PRKCB: variants seen among roughly 807,000 people sequenced by gnomAD.
PRKCB encodes protein kinase C beta type.
Under a neutral mutation model 81.5 loss-of-function variants are expected in PRKCB, and 13 were observed. The ratio of observed to expected loss-of-function variants is 0.16; its 90% CI spans 0.10 to 0.25. The LOEUF (loss-of-function observed/expected upper bound fraction) is 0.25. Ranked by LOEUF, PRKCB falls within the 10% of genes least tolerant of loss-of-function variation. The pLI is 1.00. For missense variants in PRKCB, 509 were observed against 875.7 expected (o/e 0.58, Z 5.29); for synonymous variants, 335 against 321.4 (o/e 1.04, Z -0.45).
In PRKCB at chr16:24,078,228, C is replaced by T. The variant is rs868368906; in HGVS notation, c.530-14563C>T. ...CAGCACCCAGAGCCATGTCTGCAGC[C>T]GCTGCAGCGTGGGAGAGGGGGCTGT... On this transcript the variant is annotated intron_variant, in intron 5 of 16. Coordinates refer to ENST00000643927, the MANE Select transcript of PRKCB (RefSeq NM_002738.7). 9.9e-5 allele frequency among the ~76,000 whole-genome samples: 15 copies of T among 152,196 alleles called. No homozygotes were observed. In the South Asian group the frequency reaches 2.1e-3, roughly 21 times the overall value.
intron 2 of PRKCB, among the ~76,000 whole-genome samples, chr16:23,937,468 C>A (rs1402278991): frequency 6.6e-6 from 1 of 152,200 alleles, no homozygotes; most frequent in East Asian, 1.9e-4. Context: ...TGGCTATCAA[C>A]CTCTGATGCA....
chr16:23,872,909 G>A (rs74926196), intron 2 of PRKCB, among the ~76,000 whole-genome samples: 12,771 of 151,862 alleles, frequency 0.084, 622 homozygotes, highest in Middle Eastern at 0.18. Flanking sequence ...CCGGCGTGGT[G>A]TCTCATGCCT....
intron 2 of PRKCB, among the ~76,000 whole-genome samples, chr16:23,882,672 C>A (rs1211184921): frequency 1.3e-5 from 2 of 151,926 alleles, no homozygotes; most frequent in East Asian, 1.9e-4. Context: ...ATATATTAAT[C>A]GGTCAATGGA....
rs1967127040 is a variant in PRKCB at position 24,154,582 on chromosome 16, C to A, written c.1066-102C>A. 3 of 1,092,788 alleles carry A rather than the reference C, an allele frequency of 2.7e-6. No homozygotes were observed. In the African/African-American group the frequency reaches 4.7e-5, roughly 17 times the overall value. 67.7% of individuals were successfully genotyped at this position (1,092,788 alleles called of 1,614,324 possible). ...CTGTTGTTTCAGAGTCAACAGAAGG[C>A]ACCTATACAAAGCTAAGTGTGGCTA... On this transcript the variant is annotated intron_variant, in intron 9 of 16. Transcript: ENST00000643927.
chr16:24,032,343 C>A, intron 4 of PRKCB, 96 bp downstream of exon 4: 2 of 762,666 alleles, frequency 2.6e-6, no homozygotes, highest in Admixed American at 2.4e-5. Context: ...GCCATACATT[C>A]CCCCCTGTCC....
chr16:24,124,135 A>G (rs1322249173), intron 9 of PRKCB, among the ~76,000 whole-genome samples, 154 bp downstream of exon 9: 2 of 152,326 alleles, frequency 1.3e-5, no homozygotes, highest in Admixed American at 1.3e-4. Flanking sequence ...CATGAAGGAA[A>G]TGAATGGAGT....
At chr16:24,084,802 A>C (rs913858759) in intron 5 of PRKCB, among the ~76,000 whole-genome samples, 1 of 152,184 alleles carries the variant, frequency 6.6e-6, no homozygotes, top group Non-Finnish European at 1.5e-5. Flanking sequence ...GAAATCTTGA[A>C]ATTGCTTCTG....
intron 1 of PRKCB, 172 bp from the exon 2 acceptor site, chr16:23,837,203 C>A: frequency 1.3e-6 from 1 of 781,240 alleles, no homozygotes; most frequent in Non-Finnish European, 2.2e-6. Context: ...GGGGTTACAG[C>A]CGAGCTCCCA....
At chr16:23,958,770 C>T (rs1370397490) in intron 2 of PRKCB, among the ~76,000 whole-genome samples, 1 of 150,088 alleles carries the variant, frequency 6.7e-6, no homozygotes, top group Middle Eastern at 3.2e-3. Context: ...TCTTATTCCT[C>T]CTCCTTCTCC....
chr16:23,845,370 T>TA (rs879292859), intron 2 of PRKCB, among the ~76,000 whole-genome samples: 50 of 144,592 alleles, frequency 3.5e-4, no homozygotes, highest in South Asian at 1.1e-3. Context: ...GTCTGGGAAT[T>TA]AAAAAAAAAA....
At chr16:23,973,215 T>A (rs1238033348) in intron 2 of PRKCB, among the ~76,000 whole-genome samples, 4 of 152,144 alleles carry the variant, frequency 2.6e-5, no homozygotes, top group Non-Finnish European at 5.9e-5. Context: ...AGAATCTCAC[T>A]CTGTTGCCCA....
intron 2 of PRKCB, among the ~76,000 whole-genome samples, chr16:23,855,305 C>T (rs1962546166): frequency 6.6e-6 from 1 of 152,110 alleles, no homozygotes; most frequent in Admixed American, 6.5e-5. Context: ...AGTTCCTCCC[C>T]AATCACATGT....
intron 7 of PRKCB, among the ~76,000 whole-genome samples, chr16:24,096,572 G>A (rs1303540085): frequency 6.7e-6 from 1 of 149,828 alleles, no homozygotes; most frequent in Non-Finnish European, 1.5e-5. Context: ...ACAGATCATA[G>A]ATGTACTGGG....
chr16:24,102,975 C>T (rs535978376), intron 7 of PRKCB, among the ~76,000 whole-genome samples: 56 of 152,242 alleles, frequency 3.7e-4, no homozygotes, highest in African/African-American at 1.3e-3. Context: ...CAGGTTCAAG[C>T]GACTCTCCTG....
chr16:24,151,250 G>C (rs1290719483), intron 9 of PRKCB, among the ~76,000 whole-genome samples: 1 of 152,188 alleles, frequency 6.6e-6, no homozygotes, highest in African/African-American at 2.4e-5. Flanking sequence ...TGCAGAGCCT[G>C]ACTCAGAACC....
At chr16:23,902,780 T>C (rs186700255) in intron 2 of PRKCB, among the ~76,000 whole-genome samples, 1,178 of 27,280 alleles carry the variant, frequency 0.043, 93 homozygotes, top group African/African-American at 0.11. Flanking sequence ...CTTCCTTCCT[T>C]CCTCCCTCCC....
chr16:24,021,044 T>TTCTTTATTTATTTCTTTCTTTC (rs1965367279), intron 3 of PRKCB, among the ~76,000 whole-genome samples: 16 of 78,008 alleles, frequency 2.1e-4, no homozygotes, highest in African/African-American at 9.9e-4. Context: ...TTCTTTCTCT[T>TTCTTTATTTATTTCTTTCTTTC]TCTTTCTTTC....
intron 2 of PRKCB, among the ~76,000 whole-genome samples, chr16:23,905,598 C>G (rs919619001): frequency 2.0e-5 from 3 of 152,172 alleles, no homozygotes; most frequent in African/African-American, 7.2e-5. Flanking sequence ...GTTTTATTTG[C>G]TAAATCTGAC....
At chr16:24,202,613 A>G (rs1420225986) in intron 16 of PRKCB, among the ~76,000 whole-genome samples, 1 of 152,214 alleles carries the variant, frequency 6.6e-6, no homozygotes, top group Non-Finnish European at 1.5e-5. Context: ...CACCCATTGC[A>G]ACCAGGTTCT....
Sources: allele counts gnomAD v4.1 joint callset (sites outside exome capture counted in the v4.1 genomes callset), GRCh38; gene constraint gnomAD v4.1.1; transcripts MANE v1.5; gene names NCBI Gene and HGNC (gene_info 2026-07-23, HGNC 2026-07-21).